LDLRAP1: variants seen among roughly 807,000 people sequenced by gnomAD.
LDLRAP1 encodes the protein low density lipoprotein receptor adapter protein 1.
A neutral mutation model predicts 37.8 loss-of-function variants in LDLRAP1; 30 were observed. The ratio of observed to expected loss-of-function variants is 0.79; its 90% CI spans 0.59 to 1.08. The LOEUF is 1.08. Among genes scored for constraint, LDLRAP1 ranks in the 50% least tolerant of loss-of-function variants. LDLRAP1 has a pLI of 0.00. For synonymous variants in LDLRAP1, 156 were observed against 169.8 expected, an observed-to-expected ratio of 0.92 and a Z score of 0.63; for missense variants, 375 against 401.6, an observed-to-expected ratio of 0.93 and a Z score of 0.57.
the LDLRAP1 span, among the ~76,000 whole-genome samples, chr1:25,577,911 A>C: frequency 6.6e-6 from 1 of 152,176 alleles, no homozygotes; most frequent in Non-Finnish European, 1.5e-5. Flanking sequence ...TGCACCAGCT[A>C]TTGGGACTGT....
At chr1:25,583,947 T>C in the LDLRAP1 span, among the ~76,000 whole-genome samples, 1 of 152,204 alleles carries the variant, frequency 6.6e-6, no homozygotes, top group African/African-American at 2.4e-5. Context: ...TTCGTCACGT[T>C]GTAGCACATG....
At position 25,543,694 on chromosome 1, in the gene LDLRAP1, G is replaced by C; in HGVS notation, c.-5G>C. 3.3e-6 allele frequency: 4 copies of C among 1,214,436 alleles called. No homozygotes were observed. The highest frequency in any genetic ancestry group is 4.1e-6 in the Non-Finnish European group (4 of 976,836). The allele number at this position is 1,214,436 out of a possible 1,614,324, so 75.2% of individuals were successfully genotyped here. On this transcript the variant is annotated 5_prime_UTR_variant, in exon 1 of 9. Transcript: ENST00000374338. ...CGGCAGCGGCGGCGGCGGCCGGAGC[G>C]GGCCATGGACGCGCTCAAGTCGGCG...
chr1:25,558,342 T>G (rs2044260157), intron 4 of LDLRAP1, among the ~76,000 whole-genome samples: 2 of 152,186 alleles, frequency 1.3e-5, no homozygotes, highest in African/African-American at 4.8e-5. Context: ...TACATCACAG[T>G]CTTTGTGGTC....
chr1:25,544,500 C>G lies in LDLRAP1; in HGVS notation c.88+714C>G, dbSNP rs989312389. ...AAACCTGTTTTCTCTCGCACCTTTC[C>G]CCTCGGGCTTCCAGAGTCCCTTGGG... On this transcript the variant is annotated intron_variant, in intron 1 of 8. Transcript: ENST00000374338. This position sits in a 1 kb window ranked among gnomAD's most constrained non-coding sequence, Gnocchi z 4.8. Among the ~76,000 whole-genome samples the G allele has an allele frequency of 6.6e-6, 1 of 152,214 alleles. No homozygotes were observed. The highest frequency in any genetic ancestry group is 2.4e-5 in the African/African-American group (1 of 41,464).
intron 6 of LDLRAP1, 88 bp from the exon 7 acceptor site, chr1:25,563,573 G>C: frequency 6.4e-7 from 1 of 1,572,740 alleles, no homozygotes; most frequent in Non-Finnish European, 8.6e-7. Context: ...CACATCAGAG[G>C]GGAGGGTCAG....
chr1:25,566,800 G>A (rs201547553), intron 8 of LDLRAP1, 48 bp from the exon 9 acceptor site: 93 of 1,582,476 alleles, frequency 5.9e-5, no homozygotes, highest in South Asian at 1.2e-4. Flanking sequence ...ACCCTGGGGC[G>A]CGCCAGCCCT....
At chr1:25,548,336 T>C (rs948747947) in intron 1 of LDLRAP1, among the ~76,000 whole-genome samples, 1 of 45,986 alleles carries the variant, frequency 2.2e-5, no homozygotes, top group Non-Finnish European at 3.6e-5. Context: ...ATGGATACTC[T>C]TTTTTTTTTT....
chr1:25,576,445 G>A, the LDLRAP1 span, among the ~76,000 whole-genome samples: 10 of 152,182 alleles, frequency 6.6e-5, no homozygotes, highest in Non-Finnish European at 1.5e-4. Flanking sequence ...AGAATCACTT[G>A]AAACCAGAAG....
chr1:25,549,430 G>C (rs1557696443), intron 1 of LDLRAP1, among the ~76,000 whole-genome samples: 2 of 152,142 alleles, frequency 1.3e-5, no homozygotes, highest in Non-Finnish European at 2.9e-5. Flanking sequence ...GCAGCAGAAC[G>C]GGCACAAGGG....
intron 1 of LDLRAP1, among the ~76,000 whole-genome samples, chr1:25,551,578 C>T (rs2044072363): frequency 6.6e-6 from 1 of 152,188 alleles, no homozygotes; most frequent in Admixed American, 6.5e-5. Flanking sequence ...TGCTGTTATT[C>T]TGAACTTGAG....
Position 25,568,130 on chromosome 1 carries a change from G to A in LDLRAP1, c.*1138G>A, listed in dbSNP as rs1156254147. 6.6e-6 allele frequency: 1 copy of A among 152,548 alleles called. No individual in the cohort carries two copies. The highest frequency in any genetic ancestry group is 1.5e-5 in the Non-Finnish European group (1 of 68,028). The allele number at this position is 152,548 out of a possible 1,614,324, so 9.4% of individuals were successfully genotyped here. On this transcript the variant is annotated 3_prime_UTR_variant, in exon 9 of 9. Transcript: ENST00000374338. ...AACCAAAAAACCCCAGCTATTTTCT[G>A]ACCAAAATGTGTTTCATAACAAACC...
At position 25,543,804 on chromosome 1, in the gene LDLRAP1, A is replaced by AGCCGG. The variant is rs1037749060; in HGVS notation, c.88+30_88+34dup. On this transcript the variant is annotated intron_variant, in intron 1 of 8. Transcript: ENST00000374338. ...GCACCGCAGTGAGTGTGCGCGCGTC[A>AGCCGG]GCCGGGCCGGGCCGGGATCGGGCAG... 131 of 1,201,272 alleles carry AGCCGG rather than the reference A, an allele frequency of 1.1e-4. No individual in the cohort carries two copies. Among genetic ancestry groups the AGCCGG allele is most frequent in the Middle Eastern group, 3.3e-4 (1 of 3,064 alleles). The allele number at this position is 1,201,272 out of a possible 1,614,324, so 74.4% of individuals were successfully genotyped here.
the LDLRAP1 span, among the ~76,000 whole-genome samples, chr1:25,582,019 C>A: frequency 6.6e-6 from 1 of 152,180 alleles, no homozygotes; most frequent in Non-Finnish European, 1.5e-5. Context: ...AAATCCAGCC[C>A]CACCCAGCGC....
chr1:25,585,268 C>T, the LDLRAP1 span, among the ~76,000 whole-genome samples: 1 of 151,968 alleles, frequency 6.6e-6, no homozygotes, highest in East Asian at 1.9e-4. Flanking sequence ...AGAGGTGAGG[C>T]GATTCACCTG....
intron 1 of LDLRAP1, among the ~76,000 whole-genome samples, chr1:25,551,869 G>A (rs560308350): frequency 2.6e-5 from 4 of 152,196 alleles, no homozygotes; most frequent in Admixed American, 6.5e-5. Context: ...TTCCTTGAGC[G>A]AGTATTGAGC....
chr1:25,553,835 T>C, intron 1 of LDLRAP1, 87 bp from the exon 2 acceptor site: 1 of 1,511,618 alleles, frequency 6.6e-7, no homozygotes, highest in South Asian at 1.2e-5. Context: ...CTTGCTGGGG[T>C]TTCCTAGGAA....
intron 1 of LDLRAP1, among the ~76,000 whole-genome samples, chr1:25,551,049 T>C (rs1302813249): frequency 6.6e-6 from 1 of 151,750 alleles, no homozygotes; most frequent in Non-Finnish European, 1.5e-5. Flanking sequence ...TTGCCAGGGG[T>C]AGGGATGGAT....
the LDLRAP1 span, among the ~76,000 whole-genome samples, chr1:25,578,727 G>A: frequency 1.3e-5 from 2 of 152,140 alleles, no homozygotes; most frequent in Admixed American, 6.5e-5. Context: ...ATGTTGCCCA[G>A]GCTGGTCTCA....
intron 3 of LDLRAP1, among the ~76,000 whole-genome samples, chr1:25,556,194 C>T (rs1195699826): frequency 6.6e-6 from 1 of 152,088 alleles, no homozygotes; most frequent in African/African-American, 2.4e-5. Context: ...TGTCCCACCT[C>T]TGGGTTGAGG....
Sources: gnomAD v4.1 joint callset for allele counts (sites outside exome capture counted in the v4.1 genomes callset) on GRCh38, gnomAD v4.1.1 for gene constraint, Gnocchi (gnomAD v3.1) non-coding constraint, MANE v1.5 for transcripts, NCBI Gene and HGNC (gene_info 2026-07-23, HGNC 2026-07-21) for gene names.